The following PRRX2 variants were observed in gnomAD, a reference collection of about 807,000 sequenced individuals.
PRRX2 encodes the protein paired mesoderm homeobox protein 2.
A neutral mutation model predicts 18.0 loss-of-function variants in PRRX2; 11 were observed. That is an observed-to-expected ratio of 0.61 (90% CI 0.39 to 1.01). The LOEUF is 1.01. Among genes scored for constraint, PRRX2 ranks in the 50% least tolerant of loss-of-function variants. The pLI is 0.01. For missense variants in PRRX2, 387 were observed against 351.0 expected, an observed-to-expected ratio of 1.10 and a Z score of -0.82; for synonymous variants, 177 against 154.8, an observed-to-expected ratio of 1.14 and a Z score of -1.06.
At chr9:129,686,565 T>A (rs1456534043) in intron 1 of PRRX2, among the ~76,000 whole-genome samples, 2 of 152,148 alleles carry the variant, frequency 1.3e-5, no homozygotes, top group Non-Finnish European at 2.9e-5. Context: ...GCTCCTGGGC[T>A]CAAGTGATTC....
chr9:129,714,053 A>G (rs1032635898), intron 1 of PRRX2, among the ~76,000 whole-genome samples: 6 of 151,322 alleles, frequency 4.0e-5, no homozygotes, highest in Admixed American at 3.3e-4. Context: ...CTGTAATCCC[A>G]GCATTTTGGG....
At chr9:129,722,039 T>TG (rs1390177803) in intron 3 of PRRX2, among the ~76,000 whole-genome samples, 178 bp from the exon 4 acceptor site, 1 of 152,236 alleles carries the variant, frequency 6.6e-6, no homozygotes, top group Admixed American at 6.5e-5. Flanking sequence ...AGCACTGAGC[T>TG]GGGGGGACTT....
intron 1 of PRRX2, among the ~76,000 whole-genome samples, chr9:129,667,425 C>G (rs1322507930): frequency 6.6e-6 from 1 of 152,186 alleles, no homozygotes. Context: ...CGGCTCTGAG[C>G]CGGTCCCCCA....
intron 1 of PRRX2, among the ~76,000 whole-genome samples, chr9:129,669,107 A>C (rs1832066711): frequency 6.6e-6 from 1 of 152,066 alleles, no homozygotes. Flanking sequence ...GGGGGACACC[A>C]ATGAGTTAGG....
chr9:129,678,804 CAGTG>C (rs1436583766), intron 1 of PRRX2, among the ~76,000 whole-genome samples: 3 of 152,114 alleles, frequency 2.0e-5, no homozygotes, highest in East Asian at 1.9e-4. Flanking sequence ...GGGGCGCTCT[CAGTG>C]AGCATCTCTT....
At chr9:129,710,948 T>A (rs1832610521) in intron 1 of PRRX2, among the ~76,000 whole-genome samples, 1 of 152,168 alleles carries the variant, frequency 6.6e-6, no homozygotes, top group Non-Finnish European at 1.5e-5. Context: ...CCGGCCTGAC[T>A]GTGGCCCACC....
chr9:129,684,519 CACA>C (rs1564147465), intron 1 of PRRX2, among the ~76,000 whole-genome samples: 7 of 37,686 alleles, frequency 1.9e-4, no homozygotes, highest in African/African-American at 7.0e-4. Context: ...CACACACACA[CACA>C]CCCACACACA....
intron 1 of PRRX2, among the ~76,000 whole-genome samples, chr9:129,683,410 G>A (rs951048366): frequency 1.3e-5 from 2 of 152,184 alleles, no homozygotes; most frequent in Non-Finnish European, 2.9e-5. Flanking sequence ...CCACCTGCCA[G>A]CCCTTATCGA....
rs536135152 is a variant in PRRX2, at chr9:129,694,695, TC to T, written c.260-24534del. ...TAGAGAAGTCACTTGACCCCACAGATCCTGTTTCTTCCTCTTGTTAATACTT... is the reference window on the plus strand; with the variant it reads ...TAGAGAAGTCACTTGACCCCACAGATCTGTTTCTTCCTCTTGTTAATACTT... On this transcript the variant is annotated intron_variant, in intron 1 of 3. Transcript: ENST00000372469. 2.3e-3 allele frequency among the ~76,000 whole-genome samples: 352 copies of T among 152,302 alleles called. 2 individuals are homozygous for T. The highest frequency in any genetic ancestry group is 8.1e-3 in the African/African-American group (336 of 41,560).
chr9:129,684,524 C>CACACACACACACACACACACACA (rs1564147490), intron 1 of PRRX2, among the ~76,000 whole-genome samples: 27 of 45,082 alleles, frequency 6.0e-4, no homozygotes, highest in African/African-American at 1.0e-3. Flanking sequence ...ACACACACAC[C>CACACACACACACACACACACACA]CACACACACC....
chr9:129,719,297 C>T lies in PRRX2; in HGVS notation c.326C>T (p.Thr109Ile). 6.2e-7 allele frequency: 1 copy of T among 1,611,002 alleles called. No individual in the cohort carries two copies. The highest frequency in any genetic ancestry group is 8.5e-7 in the Non-Finnish European group (1 of 1,179,100). The stretch of plus-strand genomic sequence containing the variant: ...AAGAAGAAGCAGCGGCGGAACCGCA[C>T]CACGTTCAACAGCAGCCAACTGCAG... ...KRKKKQRRNR[T>I]TFNSSQLQAL... The change falls in exon 2 of 4, where the codon ACC (threonine) becomes ATC (isoleucine). Residue 109 changes from threonine (T) to isoleucine (I), a missense_variant. Coordinates refer to ENST00000372469, the MANE Select transcript of PRRX2 (RefSeq NM_016307.4).
chr9:129,684,460 C>CACACA (rs1415884580), intron 1 of PRRX2, among the ~76,000 whole-genome samples: 2,973 of 125,146 alleles, frequency 0.024, 88 homozygotes, highest in Middle Eastern at 0.038. Context: ...ACACACACAC[C>CACACA]CAACAGAAAA....
At chr9:129,688,756 C>T (rs1832323914) in intron 1 of PRRX2, among the ~76,000 whole-genome samples, 1 of 152,172 alleles carries the variant, frequency 6.6e-6, no homozygotes, top group African/African-American at 2.4e-5. Context: ...AGCAAACGTG[C>T]ACAGGGGTTC....
Position 129,671,939 on chromosome 9 carries a change from G to A in PRRX2, c.259+5813G>A, listed in dbSNP as rs1241898431. Among the ~76,000 whole-genome samples the A allele has an allele frequency of 6.6e-6, 1 of 152,098 alleles. No homozygotes were observed. Among genetic ancestry groups the A allele is most frequent in the Non-Finnish European group, 1.5e-5 (1 of 68,030 alleles). On this transcript the variant is annotated intron_variant, in intron 1 of 3. Coordinates refer to ENST00000372469, the MANE Select transcript of PRRX2 (RefSeq NM_016307.4). This position sits in a 1 kb window ranked among gnomAD's most constrained non-coding sequence, Gnocchi z 4.0. The stretch of plus-strand genomic sequence containing the variant: ...GCTGAGGCTTGTTGGGGACTAAAGC[G>A]GGTGGGAGGGGAGGGGCAGCACGGA...
intron 1 of PRRX2, among the ~76,000 whole-genome samples, chr9:129,694,028 C>T (rs912895415): frequency 8.5e-5 from 13 of 152,130 alleles, no homozygotes; most frequent in African/African-American, 3.1e-4. Context: ...CCATGGCAGA[C>T]GAAGCTCATC....
rs571250950 is a variant in PRRX2, at chr9:129,699,443, G to A, written c.260-19788G>A. 1.1e-3 allele frequency among the ~76,000 whole-genome samples: 157 copies of A among 137,084 alleles called. No individual in the cohort carries two copies. The East Asian group carries it at 0.012, about 11-fold the overall frequency. 89.9% of individuals were successfully genotyped at this position (137,084 alleles called of 152,430 possible). The stretch of plus-strand genomic sequence containing the variant: ...TGTCTCAAAAAAAATATATATATGT[G>A]TGTGTGTGTGTGTGTGTGTGTGTGT... On this transcript the variant is annotated intron_variant, in intron 1 of 3. Coordinates refer to ENST00000372469, the MANE Select transcript of PRRX2 (RefSeq NM_016307.4).
At chr9:129,686,552 T>G (rs936429064) in intron 1 of PRRX2, among the ~76,000 whole-genome samples, 8 of 152,072 alleles carry the variant, frequency 5.3e-5, no homozygotes, top group Admixed American at 1.3e-4. Context: ...AGGCTGTTCT[T>G]GAGCTCCTGG....
At chr9:129,673,609 G>C (rs1832126022) in intron 1 of PRRX2, among the ~76,000 whole-genome samples, 1 of 151,450 alleles carries the variant, frequency 6.6e-6, no homozygotes, top group Non-Finnish European at 1.5e-5. Context: ...GGCTTTCCCA[G>C]ACTCCCAGAC....
rs538129501 is a variant in PRRX2, at chr9:129,712,805, G to C, written c.260-6426G>C. On this transcript the variant is annotated intron_variant, in intron 1 of 3. Coordinates refer to ENST00000372469, the MANE Select transcript of PRRX2 (RefSeq NM_016307.4). ...TTTTCCTGAACAAAAAGAGACTCTG[G>C]GCACGGCCCTCCTTGGAGAGTGCAG... The C allele has an allele frequency of 6.6e-5, 10 of 152,280 alleles. No homozygotes were observed. In the East Asian group the frequency reaches 7.7e-4, roughly 12 times the overall value. 9.4% of individuals were successfully genotyped at this position (152,280 alleles called of 1,614,324 possible).
Sources: allele counts gnomAD v4.1 joint callset (sites outside exome capture counted in the v4.1 genomes callset), GRCh38; gene constraint gnomAD v4.1.1; non-coding constraint Gnocchi (gnomAD v3.1); transcripts MANE v1.5; gene names NCBI Gene and HGNC (gene_info 2026-07-23, HGNC 2026-07-21).